Variants in NECAB1 observed in about 807,000 individuals in gnomAD.
NECAB1 encodes N-terminal EF-hand calcium-binding protein 1.
In NECAB1, 29 loss-of-function variants were observed where a neutral mutation model predicts 57.5. The ratio of observed to expected loss-of-function variants is 0.50; its 90% CI spans 0.38 to 0.69. The LOEUF (loss-of-function observed/expected upper bound fraction) is 0.69. NECAB1 is among the 30% of genes least tolerant of loss of function. NECAB1 has a pLI of 0.00. For missense variants in NECAB1, 372 were observed against 413.8 expected, an observed-to-expected ratio of 0.90 and a Z score of 0.88; for synonymous variants, 142 against 147.7, an observed-to-expected ratio of 0.96 and a Z score of 0.28.
chr8:90,947,580 T>C (rs1189456256), intron 10 of NECAB1, among the ~76,000 whole-genome samples: 1 of 152,110 alleles, frequency 6.6e-6, no homozygotes, highest in Non-Finnish European at 1.5e-5. Flanking sequence ...TTTGTATTTT[T>C]AGTAGAGACA....
intron 8 of NECAB1, among the ~76,000 whole-genome samples, chr8:90,934,072 T>A (rs1283685563): frequency 6.6e-6 from 1 of 152,184 alleles, no homozygotes; most frequent in African/African-American, 2.4e-5. Flanking sequence ...GAAGTAAATT[T>A]AAAGCAATAC....
intron 1 of NECAB1, among the ~76,000 whole-genome samples, chr8:90,797,184 G>A (rs1427794074): frequency 1.3e-5 from 2 of 152,080 alleles, no homozygotes; most frequent in Non-Finnish European, 2.9e-5. Flanking sequence ...AATAATCTGG[G>A]TCTCATTTTG....
At chr8:90,908,101 TAACTC>T (rs1212034918) in intron 5 of NECAB1, among the ~76,000 whole-genome samples, 1 of 152,188 alleles carries the variant, frequency 6.6e-6, no homozygotes, top group Admixed American at 6.5e-5. Flanking sequence ...TTAGGCCTAT[TAACTC>T]AACATATTAT....
intron 4 of NECAB1, among the ~76,000 whole-genome samples, chr8:90,872,806 G>A (rs990217379): frequency 1.3e-5 from 2 of 152,096 alleles, no homozygotes; most frequent in Admixed American, 6.5e-5. Flanking sequence ...ATACTGGAAG[G>A]TTTAATGTTT....
At chr8:90,950,337 A>T (rs1810900117) in intron 11 of NECAB1, among the ~76,000 whole-genome samples, 1 of 152,216 alleles carries the variant, frequency 6.6e-6, no homozygotes, top group Admixed American at 6.5e-5. Context: ...TACCTTCTAA[A>T]TGTCTTTAAA....
At chr8:90,827,173 A>T (rs1812239118) in intron 3 of NECAB1, among the ~76,000 whole-genome samples, 1 of 152,024 alleles carries the variant, frequency 6.6e-6, no homozygotes, top group African/African-American at 2.4e-5. Context: ...TGCACTATAT[A>T]TGCCAATTAT....
intron 2 of NECAB1, among the ~76,000 whole-genome samples, chr8:90,812,086 C>G (rs1811969426): frequency 2.0e-5 from 3 of 152,146 alleles, no homozygotes; most frequent in Admixed American, 1.3e-4. Context: ...AACAGATGTT[C>G]CTCTTTTGGA....
intron 3 of NECAB1, among the ~76,000 whole-genome samples, chr8:90,837,775 TC>T (rs1335505644): frequency 1.3e-5 from 2 of 152,242 alleles, no homozygotes; most frequent in Admixed American, 1.3e-4. Flanking sequence ...CTTGCTGTGA[TC>T]CTTTTCCAAG....
At chr8:90,825,080 CAAA>C (rs1812201760) in intron 3 of NECAB1, 1 of 244,930 alleles carries the variant, frequency 4.1e-6, no homozygotes, top group Admixed American at 5.5e-5. Context: ...GAATGTAAAA[CAAA>C]GTATAAATTA....
intron 1 of NECAB1, among the ~76,000 whole-genome samples, chr8:90,795,182 T>A (rs551928673): frequency 6.6e-6 from 1 of 152,224 alleles, no homozygotes; most frequent in Admixed American, 6.5e-5. Context: ...CTATGTAGCA[T>A]GTGTCTCCTC....
intron 8 of NECAB1, among the ~76,000 whole-genome samples, chr8:90,932,421 A>C (rs1220159729): frequency 2.0e-5 from 3 of 152,208 alleles, no homozygotes; most frequent in African/African-American, 7.2e-5. Context: ...CCAAAAAAAC[A>C]ACAAATCCAT....
chr8:90,808,569 C>T (rs977126736), intron 2 of NECAB1, among the ~76,000 whole-genome samples: 1 of 151,922 alleles, frequency 6.6e-6, no homozygotes, highest in African/African-American at 2.4e-5. Flanking sequence ...TGGAAAGGTG[C>T]CTGGCCCTTA....
chr8:90,909,839 T>C (rs1337449697), intron 5 of NECAB1, among the ~76,000 whole-genome samples: 1 of 152,126 alleles, frequency 6.6e-6, no homozygotes, highest in Admixed American at 6.6e-5. Context: ...TAATATCAAA[T>C]CATTTTATTT....
chr8:90,897,838 G>A (rs1222094305), intron 5 of NECAB1, among the ~76,000 whole-genome samples: 1 of 152,148 alleles, frequency 6.6e-6, no homozygotes, highest in Admixed American at 6.5e-5. Flanking sequence ...AATGAAGAAT[G>A]CCTTCATTTG....
intron 5 of NECAB1, among the ~76,000 whole-genome samples, chr8:90,916,660 C>G (rs1809960567): frequency 6.6e-6 from 1 of 152,142 alleles, no homozygotes. Context: ...AAGAGTGGCC[C>G]TGTCACCATC....
intron 1 of NECAB1, 129 bp from the exon 2 acceptor site, chr8:90,801,562 C>A (rs1811758242): frequency 3.0e-6 from 2 of 670,232 alleles, no homozygotes; most frequent in Admixed American, 3.2e-5. Context: ...AGAAAGATCT[C>A]AATTGGGAAA....
Position 90,824,716 on chromosome 8 carries a change from G to A in NECAB1, c.125-1G>A. ...GTGTCTCTTTGTTCTTGCCATTTCA[G>A]ATGATGGAAAATTATCCTTTGAAGA... On this transcript the variant is annotated splice_acceptor_variant, in intron 2 of 12. Coordinates refer to ENST00000417640, the MANE Select transcript of NECAB1 (RefSeq NM_022351.5). LOFTEE classifies it high-confidence loss of function. 1.3e-6 allele frequency: 2 copies of A among 1,517,064 alleles called. No homozygotes were observed. The highest frequency in any genetic ancestry group is 1.3e-5 in the South Asian group (1 of 79,344). 94.0% of individuals were successfully genotyped at this position (1,517,064 alleles called of 1,614,324 possible).
At chr8:90,854,955 TC>T (rs1156817651) in intron 3 of NECAB1, among the ~76,000 whole-genome samples, 4 of 152,218 alleles carry the variant, frequency 2.6e-5, no homozygotes. Context: ...TAGTCCAATG[TC>T]TGACCAAGCT....
At chr8:90,926,870 T>C (rs1542666) in intron 7 of NECAB1, among the ~76,000 whole-genome samples, 43,865 of 152,036 alleles carry the variant, frequency 0.29, 7,059 homozygotes, top group East Asian at 0.61. Flanking sequence ...TTCATTATAA[T>C]AGGAGATACT....
Sources: gnomAD v4.1 joint callset for allele counts (sites outside exome capture counted in the v4.1 genomes callset) on GRCh38, gnomAD v4.1.1 for gene constraint, MANE v1.5 for transcripts, NCBI Gene and HGNC (gene_info 2026-07-23, HGNC 2026-07-21) for gene names.